Variants in NUDCD1 observed in about 807,000 individuals in gnomAD.
NUDCD1 encodes NudC domain containing 1.
In NUDCD1, 60 loss-of-function variants were observed where a neutral mutation model predicts 67.8. The ratio of observed to expected loss-of-function variants is 0.88; its 90% CI spans 0.72 to 1.10. The LOEUF (loss-of-function observed/expected upper bound fraction) is 1.10, where lower values mean the gene tolerates loss of function less well. NUDCD1 is among the 50% of genes least tolerant of loss of function. NUDCD1 has a pLI of 0.00. For missense variants in NUDCD1, 643 were observed against 695.0 expected (o/e 0.93, Z 0.84); for synonymous variants, 244 against 230.8 (o/e 1.06, Z -0.52).
At chr8:109,299,601 T>C (rs1814927165) in intron 2 of NUDCD1, among the ~76,000 whole-genome samples, 1 of 152,050 alleles carries the variant, frequency 6.6e-6, no homozygotes, top group Non-Finnish European at 1.5e-5. Flanking sequence ...TGGCAAGAAA[T>C]GCCCAAGGAG....
intron 2 of NUDCD1, among the ~76,000 whole-genome samples, chr8:109,313,196 C>G (rs1815297049): frequency 6.6e-6 from 1 of 152,124 alleles, no homozygotes; most frequent in South Asian, 2.1e-4. Flanking sequence ...AGTAACAAAT[C>G]CAACTCATTC....
At chr8:109,291,744 G>T (rs1016583913) in intron 4 of NUDCD1, among the ~76,000 whole-genome samples, 1 of 152,150 alleles carries the variant, frequency 6.6e-6, no homozygotes, top group African/African-American at 2.4e-5. Context: ...TAGTCTCAAT[G>T]TATTTGTCCA....
intron 9 of NUDCD1, among the ~76,000 whole-genome samples, chr8:109,245,108 T>C (rs1813462600): frequency 6.6e-6 from 1 of 152,194 alleles, no homozygotes; most frequent in African/African-American, 2.4e-5. Flanking sequence ...TTCTATTCTG[T>C]GTTGATCTTC....
chr8:109,263,445 G>A (rs559896351), intron 8 of NUDCD1, among the ~76,000 whole-genome samples: 1 of 152,262 alleles, frequency 6.6e-6, no homozygotes, highest in South Asian at 2.1e-4. Flanking sequence ...TTAGACTTGA[G>A]AAATTGGCAC....
intron 9 of NUDCD1, 97 bp from the exon 10 acceptor site, chr8:109,243,398 A>C: frequency 1.0e-6 from 1 of 992,064 alleles, no homozygotes; most frequent in South Asian, 2.0e-5. Flanking sequence ...TGTTTATTAC[A>C]AATTAAAATG....
intron 7 of NUDCD1, among the ~76,000 whole-genome samples, chr8:109,273,432 G>C: frequency 6.6e-6 from 1 of 152,164 alleles, no homozygotes; most frequent in South Asian, 2.1e-4. Flanking sequence ...TGCTTAGAAG[G>C]ATATGTACAA....
chr8:109,244,535 T>C (rs748205880), intron 9 of NUDCD1, among the ~76,000 whole-genome samples: 8 of 152,194 alleles, frequency 5.3e-5, no homozygotes, highest in Non-Finnish European at 8.8e-5. Flanking sequence ...TGAACCAGTT[T>C]AGCAGCCTAC....
chr8:109,290,592 C>T (rs2130019229), intron 4 of NUDCD1, among the ~76,000 whole-genome samples: 1 of 152,164 alleles, frequency 6.6e-6, no homozygotes, highest in South Asian at 2.1e-4. Flanking sequence ...AGACATTTAT[C>T]TATATGCTTA....
intron 5 of NUDCD1, 71 bp from the exon 6 acceptor site, chr8:109,281,243 T>C (rs1814431796): frequency 1.0e-6 from 1 of 961,726 alleles, no homozygotes; most frequent in South Asian, 1.5e-5. Flanking sequence ...AAAACCTATC[T>C]AAAAGAATTT....
intron 2 of NUDCD1, among the ~76,000 whole-genome samples, chr8:109,311,433 A>G (rs1162547498): frequency 6.6e-6 from 1 of 151,962 alleles, no homozygotes; most frequent in African/African-American, 2.4e-5. Context: ...ATCTACCCAG[A>G]GGAAAAGAAG....
intron 8 of NUDCD1, among the ~76,000 whole-genome samples, chr8:109,267,260 A>G (rs1213826592): frequency 4.6e-5 from 7 of 152,050 alleles, no homozygotes; most frequent in African/African-American, 7.2e-5. Context: ...TAGTTTTTCA[A>G]TCCTCACCCT....
At chr8:109,327,068 C>G (rs958411903) in intron 1 of NUDCD1, among the ~76,000 whole-genome samples, 1 of 152,180 alleles carries the variant, frequency 6.6e-6, no homozygotes, top group Non-Finnish European at 1.5e-5. Context: ...AGAACGTTAA[C>G]TTACAAAGGT....
chr8:109,333,272 G>A (rs973781253), intron 1 of NUDCD1, among the ~76,000 whole-genome samples: 3 of 152,138 alleles, frequency 2.0e-5, no homozygotes, highest in African/African-American at 4.8e-5. Context: ...CGAAAATGCC[G>A]TTAAGTTGTA....
chr8:109,275,593 G>C, intron 6 of NUDCD1, 97 bp from the exon 7 acceptor site: 7 of 1,134,980 alleles, frequency 6.2e-6, no homozygotes, highest in Non-Finnish European at 8.7e-6. Context: ...TCTATAGAAA[G>C]AACCCTCCGG....
intron 2 of NUDCD1, chr8:109,316,214 A>ATTT (rs1428477575): frequency 6.6e-6 from 1 of 152,244 alleles, no homozygotes; most frequent in Non-Finnish European, 1.5e-5. Flanking sequence ...TTCCCAAGGC[A>ATTT]TTTTCTACTT....
At chr8:109,333,677 G>A (rs1009150379) in intron 1 of NUDCD1, among the ~76,000 whole-genome samples, 11 of 152,222 alleles carry the variant, frequency 7.2e-5, no homozygotes, top group African/African-American at 2.4e-4. Context: ...GACGGAGGGG[G>A]CCCAGGGTCC....
chr8:109,306,934 C>T (rs956853994), intron 2 of NUDCD1, among the ~76,000 whole-genome samples: 6 of 152,206 alleles, frequency 3.9e-5, no homozygotes, highest in Admixed American at 6.5e-5. Flanking sequence ...TGAGAAACAT[C>T]GCCCATTATC....
chr8:109,314,223 T>A (rs1393446260), intron 2 of NUDCD1, among the ~76,000 whole-genome samples: 1 of 152,194 alleles, frequency 6.6e-6, no homozygotes, highest in Non-Finnish European at 1.5e-5. Flanking sequence ...TTAATGTAAC[T>A]ACGTTCAAGG....
chr8:109,289,149 G>C (rs975473744), intron 5 of NUDCD1, among the ~76,000 whole-genome samples: 4 of 151,416 alleles, frequency 2.6e-5, no homozygotes, highest in Admixed American at 6.6e-5. Flanking sequence ...ATTTTTTTTT[G>C]TATTTTTAGT....
Sources: allele counts gnomAD v4.1 joint callset (sites outside exome capture counted in the v4.1 genomes callset), GRCh38; gene constraint gnomAD v4.1.1; transcripts MANE v1.5; gene names NCBI Gene and HGNC (gene_info 2026-07-23, HGNC 2026-07-21).